The following ZNF610 variants were observed in gnomAD, a reference collection of about 807,000 sequenced individuals.
ZNF610 encodes the protein zink finger protein.
Under a neutral mutation model 14.1 loss-of-function variants are expected in ZNF610, and 14 were observed. The observed-to-expected ratio is 0.99, with a 90% confidence interval of 0.65 to 1.55. The LOEUF is 1.55. Among genes scored for constraint, ZNF610 ranks in the 40% most tolerant of loss-of-function variants. The probability of loss-of-function intolerance (pLI) is 0.00; values close to 1 mark genes in which losing one functional copy is unlikely to be tolerated. For missense variants in ZNF610, 530 were observed against 558.0 expected (o/e 0.95, Z 0.51); for synonymous variants, 185 against 187.6 (o/e 0.99, Z 0.11).
intron 3 of ZNF610, among the ~76,000 whole-genome samples, chr19:52,352,395 C>T (rs1985299189): frequency 1.3e-5 from 2 of 151,854 alleles, no homozygotes; most frequent in South Asian, 4.2e-4. Context: ...TGTGCCACCA[C>T]GCCTGGCTAA....
chr19:52,360,277 G>T (rs763824824), intron 5 of ZNF610, among the ~76,000 whole-genome samples: 6 of 152,158 alleles, frequency 3.9e-5, no homozygotes, highest in Non-Finnish European at 8.8e-5. Context: ...CCTGAGTTCT[G>T]CCCTGGGGCC....
intron 5 of ZNF610, among the ~76,000 whole-genome samples, chr19:52,356,855 C>A (rs925378179): frequency 1.3e-5 from 2 of 152,316 alleles, no homozygotes; most frequent in Middle Eastern, 3.4e-3. Flanking sequence ...CAAACCGTAT[C>A]TTCCTCTGTC....
intron 3 of ZNF610, 84 bp from the exon 4 acceptor site, chr19:52,353,598 C>A: frequency 1.4e-6 from 2 of 1,464,706 alleles, no homozygotes; most frequent in Non-Finnish European, 1.9e-6. Flanking sequence ...TTTTTAATAG[C>A]TTAATATTCA....
At chr19:52,345,422 C>T (rs1293727125) in intron 1 of ZNF610, 2 of 152,198 alleles carry the variant, frequency 1.3e-5, no homozygotes, top group Non-Finnish European at 2.9e-5. Flanking sequence ...GAACCTAGAT[C>T]GTTGCCAGGC....
At chr19:52,338,267 A>G (rs1403468881) in intron 1 of ZNF610, among the ~76,000 whole-genome samples, 2 of 152,204 alleles carry the variant, frequency 1.3e-5, no homozygotes, top group East Asian at 3.9e-4. Context: ...TGAATTTGCT[A>G]GAGTGGTTCA....
At chr19:52,335,318 C>A (rs1299708734), upstream of ZNF610, among the ~76,000 whole-genome samples, 1 of 152,100 alleles carries the variant, frequency 6.6e-6, no homozygotes, top group Non-Finnish European at 1.5e-5. Flanking sequence ...AACATCCCTC[C>A]GGGGACAGGA....
intron 5 of ZNF610, among the ~76,000 whole-genome samples, chr19:52,362,236 C>A (rs562547227): frequency 5.9e-5 from 9 of 152,334 alleles, no homozygotes; most frequent in Admixed American, 3.3e-4. Context: ...CATGGTAAAA[C>A]CCCGTCTCTA....
chr19:52,331,605 G>A (rs1395451393), upstream of ZNF610, among the ~76,000 whole-genome samples: 1 of 152,162 alleles, frequency 6.6e-6, no homozygotes. Flanking sequence ...ACACTTCCCT[G>A]CCACCAAAAG....
At chr19:52,351,542 G>T (rs1401059332) in intron 3 of ZNF610, among the ~76,000 whole-genome samples, 2 of 151,782 alleles carry the variant, frequency 1.3e-5, no homozygotes, top group African/African-American at 4.8e-5. Flanking sequence ...ATTCAGCCCA[G>T]GAGGAGTCTC....
At chr19:52,352,581 T>C (rs1281769988) in intron 3 of ZNF610, among the ~76,000 whole-genome samples, 1 of 152,146 alleles carries the variant, frequency 6.6e-6, no homozygotes, top group Non-Finnish European at 1.5e-5. Context: ...TACGCCTAAA[T>C]GGCATTCTTT....
intron 1 of ZNF610, among the ~76,000 whole-genome samples, chr19:52,339,050 A>G (rs1159308437): frequency 6.6e-6 from 1 of 151,848 alleles, no homozygotes; most frequent in South Asian, 2.1e-4. Flanking sequence ...ACGAACCAAG[A>G]TCTCTGTCAT....
At position 52,366,053 on chromosome 19, in the gene ZNF610, C is replaced by G. The variant is rs984326572; in HGVS notation, c.675C>G (p.Ile225Met). ...VRASLTNHQVIHTAEKPYKCT... is the reference protein window; with the variant it reads ...VRASLTNHQVMHTAEKPYKCT... ...CAAGCCTTACTAACCATCAAGTAAT[C>G]CATACTGCAGAGAAACCTTACAAAT... is the stretch of plus-strand genomic sequence containing the variant. Residue 225 changes from isoleucine to methionine, a missense_variant, in exon 6 of 6, where the codon ATC becomes ATG. Ile to Met is a conservative substitution (Grantham distance 10). Transcript: ENST00000403906. The G allele has an allele frequency of 1.2e-6, 2 of 1,614,052 alleles. No individual in the cohort carries two copies. The highest frequency in any genetic ancestry group is 1.7e-5 in the Admixed American group (1 of 60,010).
chr19:52,349,642 G>A (rs540687115), intron 3 of ZNF610, among the ~76,000 whole-genome samples: 46 of 150,516 alleles, frequency 3.1e-4, no homozygotes, highest in African/African-American at 1.1e-3. Flanking sequence ...GCACGATCTC[G>A]ACTCGCTGCA....
At chr19:52,350,609 C>T (rs1414420655) in intron 3 of ZNF610, among the ~76,000 whole-genome samples, 3 of 152,062 alleles carry the variant, frequency 2.0e-5, no homozygotes, top group Admixed American at 6.6e-5. Flanking sequence ...ACCTGGGAGG[C>T]GGAGGTTGCA....
chr19:52,341,320 A>T (rs1214287549), intron 1 of ZNF610, among the ~76,000 whole-genome samples: 1 of 151,378 alleles, frequency 6.6e-6, no homozygotes, highest in Non-Finnish European at 1.5e-5. Flanking sequence ...TTTTATTTTT[A>T]TTTTTTTTGA....
chr19:52,363,612 T>C, intron 5 of ZNF610, among the ~76,000 whole-genome samples: 1 of 152,234 alleles, frequency 6.6e-6, no homozygotes, highest in South Asian at 2.1e-4. Context: ...CATCATTGTA[T>C]AATAACTTTT....
At chr19:52,331,294 C>T (rs903694772), upstream of ZNF610, among the ~76,000 whole-genome samples, 2 of 152,172 alleles carry the variant, frequency 1.3e-5, no homozygotes, top group African/African-American at 4.8e-5. Context: ...TCATGGAAAA[C>T]ATCAGACAAA....
rs1985412503 is a variant in ZNF610, at chr19:52,354,319, A to C, written c.259A>C (p.Ser87Arg). 6.2e-7 allele frequency: 1 copy of C among 1,614,186 alleles called. No homozygotes were observed. Among genetic ancestry groups the C allele is most frequent in the African/African-American group, 1.3e-5 (1 of 75,044 alleles). The part of the protein sequence containing the change: ...KQRREPLILQ[S>R]QVKIVKNTDG... Reference sequence around the variant, plus strand: ...AAGGAGAGAGCCCTTGATTCTGCAAAGTCAAGTTAAAATAGTAAAAAATAC... The same window carrying C: ...AAGGAGAGAGCCCTTGATTCTGCAACGTCAAGTTAAAATAGTAAAAAATAC... Residue 87 changes from serine (S) to arginine (R), a missense_variant, in exon 5 of 6, where the codon AGT (serine) becomes CGT (arginine). Ser to Arg is a moderately radical substitution (Grantham distance 110). Transcript: ENST00000403906.
chr19:52,347,675 C>T (rs1985026543), intron 1 of ZNF610, 32 bp from the exon 2 acceptor site: 1 of 152,134 alleles, frequency 6.6e-6, no homozygotes. Context: ...TTCCACCATG[C>T]CTTGACTTAT....
Sources: allele counts gnomAD v4.1 joint callset (sites outside exome capture counted in the v4.1 genomes callset), GRCh38; gene constraint gnomAD v4.1.1; transcripts MANE v1.5; gene names NCBI Gene and HGNC (gene_info 2026-07-23, HGNC 2026-07-21).